ITGB5: variants seen among roughly 807,000 people sequenced by gnomAD.
ITGB5 encodes integrin subunit beta 5.
Under a neutral mutation model 84.8 loss-of-function variants are expected in ITGB5, and 38 were observed. That is an observed-to-expected ratio of 0.45 (90% CI 0.35 to 0.59). The LOEUF is 0.59. Ranked by LOEUF, ITGB5 falls within the 20% of genes least tolerant of loss-of-function variation. ITGB5 has a pLI of 0.01. For synonymous variants in ITGB5, 393 were observed against 414.4 expected (o/e 0.95, Z 0.63); for missense variants, 905 against 1,034.5 (o/e 0.87, Z 1.72).
intron 11 of ITGB5, chr3:124,770,021 C>T (rs1169474246): frequency 6.6e-6 from 1 of 152,350 alleles, no homozygotes; most frequent in East Asian, 1.9e-4. Context: ...ATCATCAAAA[C>T]CAAGTTGCAC....
At chr3:124,765,621 G>C (rs2063755079) in intron 13 of ITGB5, among the ~76,000 whole-genome samples, 1 of 152,196 alleles carries the variant, frequency 6.6e-6, no homozygotes, top group African/African-American at 2.4e-5. Flanking sequence ...CCAGGGACAG[G>C]GCCCTATCCT....
intron 9 of ITGB5, among the ~76,000 whole-genome samples, chr3:124,801,981 C>T (rs2064323002): frequency 6.6e-6 from 1 of 152,220 alleles, no homozygotes; most frequent in Non-Finnish European, 1.5e-5. Flanking sequence ...GGGACCAGCC[C>T]ACCCCGGCTT....
rs139331731 is a variant in ITGB5, at chr3:124,841,529, C to A, written c.634G>T (p.Val212Phe). The change falls in exon 5 of 15, where the codon GTC becomes TTC. Residue 212 changes from valine (V) to phenylalanine (F), a missense_variant. Transcript: ENST00000296181. ...AGATGGCGGAACCCAAAGGAGGGGA[C>A]GCAATTTGGAAACAACTTGTAACTA... ...CIGYKLFPNC[V>F]PSFGFRHLLP... 2 of 1,613,680 alleles carry A rather than the reference C, an allele frequency of 1.2e-6. No homozygotes were observed.
chr3:124,884,536 A>C (rs968640028), intron 1 of ITGB5, among the ~76,000 whole-genome samples: 4 of 152,178 alleles, frequency 2.6e-5, no homozygotes, highest in Non-Finnish European at 5.9e-5. Flanking sequence ...CCCTGTCTCT[A>C]CTAAAAATAC....
At chr3:124,873,973 G>A (rs1378251252) in intron 1 of ITGB5, among the ~76,000 whole-genome samples, 1 of 151,700 alleles carries the variant, frequency 6.6e-6, no homozygotes, top group Non-Finnish European at 1.5e-5. Flanking sequence ...AATGTACAGT[G>A]TACTGAAAGA....
intron 8 of ITGB5, among the ~76,000 whole-genome samples, chr3:124,817,032 C>A (rs1462252328): frequency 1.3e-5 from 2 of 152,058 alleles, no homozygotes; most frequent in Non-Finnish European, 2.9e-5. Context: ...CCAACCAGGG[C>A]AACATAGTGA....
chr3:124,797,184 G>A (rs1011756026), intron 9 of ITGB5, among the ~76,000 whole-genome samples: 7 of 152,122 alleles, frequency 4.6e-5, no homozygotes, highest in South Asian at 2.1e-4. Flanking sequence ...TCCCAGCCCC[G>A]CTGCAGATGC....
intron 2 of ITGB5, among the ~76,000 whole-genome samples, chr3:124,866,668 G>A (rs2065395113): frequency 6.6e-6 from 1 of 152,198 alleles, no homozygotes; most frequent in African/African-American, 2.4e-5. Flanking sequence ...GCGGGGAGCT[G>A]GCTTCTTGCT....
At chr3:124,802,263 G>A (rs144875761) in intron 9 of ITGB5, among the ~76,000 whole-genome samples, 107 of 152,332 alleles carry the variant, frequency 7.0e-4, no homozygotes, top group African/African-American at 2.4e-3. Context: ...CACAGTCACT[G>A]GCAAGTTCTG....
chr3:124,765,775 G>A (rs1435210808), intron 13 of ITGB5, among the ~76,000 whole-genome samples: 2 of 152,184 alleles, frequency 1.3e-5, no homozygotes, highest in East Asian at 3.9e-4. Flanking sequence ...AAATTGTACT[G>A]GTTAGGTGCA....
At chr3:124,772,656 G>A (rs188492854) in intron 11 of ITGB5, among the ~76,000 whole-genome samples, 31 of 152,102 alleles carry the variant, frequency 2.0e-4, no homozygotes, top group South Asian at 6.2e-4. Context: ...CTTTCCAGGG[G>A]CATCATTCTG....
intron 1 of ITGB5, among the ~76,000 whole-genome samples, chr3:124,897,357 C>G (rs966089364): frequency 1.4e-4 from 21 of 152,180 alleles, no homozygotes; most frequent in African/African-American, 4.8e-4. Flanking sequence ...ATCCTCCCTG[C>G]TTGCCCTCCC....
chr3:124,848,359 G>C lies in ITGB5; in HGVS notation c.561C>G (p.Ile187Met). 6.2e-7 allele frequency: 1 copy of C among 1,614,166 alleles called. No homozygotes were observed. The highest frequency in any genetic ancestry group is 1.6e-4 in the Middle Eastern group (1 of 6,062). ...LGFGSFVDKD[I>M]SPFSYTAPRY... ...TCGGTGCCGTGTAGGAGAAAGGAGAGATGTCCTTATCAACAAAAGACCCAA... is the reference window on the plus strand; with the variant it reads ...TCGGTGCCGTGTAGGAGAAAGGAGACATGTCCTTATCAACAAAAGACCCAA... The change falls in exon 4 of 15, where the codon ATC becomes ATG. Residue 187 changes from isoleucine to methionine, a missense_variant. This residue lies in a region of ITGB5 where 656 missense variants were observed against 734.7 expected (regional missense o/e 0.89). Coordinates refer to ENST00000296181, the MANE Select transcript of ITGB5 (RefSeq NM_002213.5).
At chr3:124,899,975 G>A (rs1935186130) in intron 1 of ITGB5, among the ~76,000 whole-genome samples, 1 of 146,030 alleles carries the variant, frequency 6.8e-6, no homozygotes, top group Admixed American at 6.9e-5. Context: ...AATGACATAA[G>A]TAAAGAAAGA....
At chr3:124,847,353 G>A (rs1471606323) in intron 4 of ITGB5, among the ~76,000 whole-genome samples, 1 of 152,190 alleles carries the variant, frequency 6.6e-6, no homozygotes, top group East Asian at 1.9e-4. Context: ...CCTAGTAGAG[G>A]TTGTGTTGCA....
Position 124,873,716 on chromosome 3 carries a change from C to T in ITGB5, c.71-185G>A, listed in dbSNP as rs563622414. Among the ~76,000 whole-genome samples, 3 of 152,108 alleles carry T rather than the reference C, an allele frequency of 2.0e-5. No individual in the cohort carries two copies. The East Asian group carries it at 5.8e-4, about 29-fold the overall frequency. On this transcript the variant is annotated intron_variant, in intron 1 of 14. Coordinates refer to ENST00000296181, the MANE Select transcript of ITGB5 (RefSeq NM_002213.5). Reference sequence around the variant, plus strand: ...AAGGCTGAACATTGAGTTTTTGAAGCATTCACCAAGCATGCACGCTTGTGT... The same window carrying T: ...AAGGCTGAACATTGAGTTTTTGAAGTATTCACCAAGCATGCACGCTTGTGT...
chr3:124,875,550 T>C (rs1934270376), intron 1 of ITGB5, among the ~76,000 whole-genome samples: 1 of 151,822 alleles, frequency 6.6e-6, no homozygotes, highest in Non-Finnish European at 1.5e-5. Flanking sequence ...GGAAACTCTG[T>C]ACACTGTTGG....
chr3:124,778,371 C>A (rs2063954442), intron 10 of ITGB5, among the ~76,000 whole-genome samples: 1 of 152,248 alleles, frequency 6.6e-6, no homozygotes, highest in African/African-American at 2.4e-5. Context: ...TGGGCCAAGA[C>A]ACAGCCTCTT....
At chr3:124,830,313 T>G (rs569779143) in intron 5 of ITGB5, among the ~76,000 whole-genome samples, 2 of 152,100 alleles carry the variant, frequency 1.3e-5, no homozygotes, top group Non-Finnish European at 2.9e-5. Context: ...TTCACCCATA[T>G]GGTAAGGTGG....
Sources: gnomAD v4.1 joint callset for allele counts (sites outside exome capture counted in the v4.1 genomes callset) on GRCh38, gnomAD v4.1.1 for gene constraint, gnomAD v4.1.1 regional missense constraint, MANE v1.5 for transcripts, NCBI Gene and HGNC (gene_info 2026-07-23, HGNC 2026-07-21) for gene names.